The following ME3 variants were observed in gnomAD, a reference collection of about 807,000 sequenced individuals.
ME3 encodes NADP-dependent malic enzyme, mitochondrial.
A neutral mutation model predicts 68.9 loss-of-function variants in ME3; 48 were observed. That is an observed-to-expected ratio of 0.70 (90% CI 0.55 to 0.89). The LOEUF (loss-of-function observed/expected upper bound fraction) is 0.89, where lower values mean the gene tolerates loss of function less well. ME3 is among the 40% of genes least tolerant of loss of function. The pLI is 0.00. For synonymous variants in ME3, 320 were observed against 318.8 expected, an observed-to-expected ratio of 1.00 and a Z score of -0.04; for missense variants, 675 against 797.4, an observed-to-expected ratio of 0.85 and a Z score of 1.85.
rs548965866 is a variant in ME3 at position 86,533,420 on chromosome 11, T to C, written c.467+23133A>G. ...AGAAATGGATGAATTCTTGGCAACA[T>C]AGTACCTGCCAAGACTGAATCATGA... On this transcript the variant is annotated intron_variant, in intron 4 of 14. Coordinates refer to ENST00000543262, the Ensembl canonical transcript of ME3. Among the ~76,000 whole-genome samples the C allele has an allele frequency of 5.3e-5, 8 of 152,208 alleles. No individual in the cohort carries two copies. The East Asian group carries it at 1.5e-3, about 29-fold the overall frequency.
At chr11:86,564,882 G>C (rs543214283) in intron 2 of ME3, among the ~76,000 whole-genome samples, 1 of 152,216 alleles carries the variant, frequency 6.6e-6, no homozygotes, top group South Asian at 2.1e-4. Context: ...TGCATCAAAG[G>C]ATACTATCAA....
intron 4 of ME3, among the ~76,000 whole-genome samples, chr11:86,540,524 A>G (rs141764953): frequency 3.4e-3 from 513 of 152,262 alleles, no homozygotes; most frequent in Middle Eastern, 0.017. Flanking sequence ...ACATCCCTCT[A>G]TGAAACAAAA....
intron 2 of ME3, among the ~76,000 whole-genome samples, chr11:86,615,098 T>A (rs1942865234): frequency 6.6e-6 from 1 of 152,202 alleles, no homozygotes; most frequent in South Asian, 2.1e-4. Flanking sequence ...TTGGACATTT[T>A]TTTTTACTTT....
rs573447327 is a variant in ME3, at chr11:86,471,047, C to T, written c.810-5847G>A. 1.1e-4 allele frequency among the ~76,000 whole-genome samples: 17 copies of T among 151,608 alleles called. 1 individual carries two copies. The highest frequency in any genetic ancestry group is 3.1e-4 in the African/African-American group (13 of 41,376). ...TTCCTAACCACTGTGGGCCTTTGCA[C>T]GGTCCCCTGTCTTTGCTCAAGCTGC... On this transcript the variant is annotated intron_variant, in intron 7 of 14. Transcript: ENST00000543262.
Position 86,655,505 on chromosome 11 carries a change from C to T in ME3, c.183+16257G>A, listed in dbSNP as rs1424694506. Among the ~76,000 whole-genome samples the T allele has an allele frequency of 2.0e-5, 3 of 152,028 alleles. No individual in the cohort carries two copies. In the East Asian group the frequency reaches 5.8e-4, roughly 29 times the overall value. ...AAAAACAAGCAATGGGGAAAGGATT[C>T]CCTATTTAATAAATGGTGCTGGGAA... On this transcript the variant is annotated intron_variant, in intron 2 of 14. Coordinates refer to ENST00000543262, the Ensembl canonical transcript of ME3.
chr11:86,443,262 C>T (rs1949107095), intron 13 of ME3, among the ~76,000 whole-genome samples: 1 of 152,196 alleles, frequency 6.6e-6, no homozygotes, highest in South Asian at 2.1e-4. Flanking sequence ...CCCTGGGTCC[C>T]TCACTTCCTG....
chr11:86,665,674 G>T (rs998799291), intron 2 of ME3, among the ~76,000 whole-genome samples: 1 of 152,204 alleles, frequency 6.6e-6, no homozygotes, highest in Non-Finnish European at 1.5e-5. Flanking sequence ...AGGCGCTAAA[G>T]GGAAAGAGGA....
At chr11:86,653,573 A>C (rs535473821) in intron 2 of ME3, among the ~76,000 whole-genome samples, 1 of 152,352 alleles carries the variant, frequency 6.6e-6, no homozygotes, top group East Asian at 1.9e-4. Flanking sequence ...ACATACCAGA[A>C]TCTCTGGGAC....
At chr11:86,536,994 G>A (rs1955712143) in intron 4 of ME3, among the ~76,000 whole-genome samples, 1 of 151,692 alleles carries the variant, frequency 6.6e-6, no homozygotes, top group African/African-American at 2.4e-5. Flanking sequence ...TAGGGACATG[G>A]ATGAAATTGG....
At chr11:86,458,366 G>A (rs866584995) in intron 8 of ME3, among the ~76,000 whole-genome samples, 4 of 152,172 alleles carry the variant, frequency 2.6e-5, no homozygotes, top group South Asian at 2.1e-4. Context: ...GTGTCATAAG[G>A]GAATTTTCTG....
intron 2 of ME3, among the ~76,000 whole-genome samples, chr11:86,573,301 A>G (rs565183386): frequency 3.0e-4 from 46 of 152,188 alleles, no homozygotes; most frequent in African/African-American, 1.1e-3. Context: ...CCATTTGTCA[A>G]TTTTGACTTT....
chr11:86,650,929 G>A (rs1020507703), intron 2 of ME3, among the ~76,000 whole-genome samples: 24 of 152,186 alleles, frequency 1.6e-4, no homozygotes, highest in African/African-American at 4.6e-4. Flanking sequence ...CTTAGCCAAC[G>A]GCACACCAGG....
chr11:86,652,291 G>A (rs1945498530), intron 2 of ME3, among the ~76,000 whole-genome samples: 1 of 152,140 alleles, frequency 6.6e-6, no homozygotes. Flanking sequence ...ACACATAATT[G>A]TCAGATTCAC....
At chr11:86,497,242 C>T (rs1445220623) in intron 6 of ME3, among the ~76,000 whole-genome samples, 1 of 152,218 alleles carries the variant, frequency 6.6e-6, no homozygotes, top group African/African-American at 2.4e-5. Context: ...CGATCAGCCT[C>T]CCAAAGTGCT....
intron 4 of ME3, among the ~76,000 whole-genome samples, chr11:86,554,656 A>G (rs976812083): frequency 1.3e-5 from 2 of 152,182 alleles, no homozygotes; most frequent in African/African-American, 2.4e-5. Flanking sequence ...TGTTACCTCA[A>G]TTTCATAAAT....
Position 86,600,333 on chromosome 11 carries a change from CA to C in ME3, c.184-40511del, listed in dbSNP as rs1018650947. On this transcript the variant is annotated intron_variant, in intron 2 of 14. Coordinates refer to ENST00000543262, the Ensembl canonical transcript of ME3. ...TCTGATAAAACAGACTCTAAACCAA[CA>C]AAGATCAAAAGAGACAAAGAAGGCC... Among the ~76,000 whole-genome samples, 124 of 152,142 alleles carry C rather than the reference CA, an allele frequency of 8.2e-4. 1 individual carries two copies. Among genetic ancestry groups the C allele is most frequent in the Non-Finnish European group, 1.5e-3 (105 of 68,030 alleles).
intron 4 of ME3, among the ~76,000 whole-genome samples, chr11:86,524,317 A>G (rs531945082): frequency 6.6e-6 from 1 of 152,340 alleles, no homozygotes; most frequent in South Asian, 2.1e-4. Flanking sequence ...GGCGCAGCCA[A>G]TGAGTCATTT....
intron 7 of ME3, among the ~76,000 whole-genome samples, chr11:86,480,292 C>G (rs1322371985): frequency 2.0e-5 from 3 of 152,194 alleles, no homozygotes; most frequent in Non-Finnish European, 4.4e-5. Flanking sequence ...AGCTCACTTC[C>G]CAGAGTTTTG....
chr11:86,629,865 GAAATTGGATGT>G (rs1230032797), intron 2 of ME3, among the ~76,000 whole-genome samples: 1 of 152,192 alleles, frequency 6.6e-6, no homozygotes, highest in African/African-American at 2.4e-5. Flanking sequence ...ACTTGTGATT[GAAATTGGATGT>G]AAATAACAGT....
Sources: allele counts gnomAD v4.1 joint callset (sites outside exome capture counted in the v4.1 genomes callset), GRCh38; gene constraint gnomAD v4.1.1; transcripts MANE v1.5; gene names NCBI Gene and HGNC (gene_info 2026-07-23, HGNC 2026-07-21).